The following SLC14A2 variants were observed in gnomAD, a reference collection of about 807,000 sequenced individuals.
SLC14A2 encodes the protein solute carrier family 14 member 2.
In SLC14A2, 91 loss-of-function variants were observed where a neutral mutation model predicts 104.6. That is an observed-to-expected ratio of 0.87 (90% CI 0.73 to 1.04). The LOEUF (loss-of-function observed/expected upper bound fraction) is 1.04, where lower values mean the gene tolerates loss of function less well. Among genes scored for constraint, SLC14A2 ranks in the 50% least tolerant of loss-of-function variants. The probability of loss-of-function intolerance (pLI) is 0.00; values close to 1 mark genes in which losing one functional copy is unlikely to be tolerated. For synonymous variants in SLC14A2, 476 were observed against 466.4 expected (o/e 1.02, Z -0.27); for missense variants, 1,189 against 1,156.0 (o/e 1.03, Z -0.41).
chr18:45,251,673 G>T (rs74685355), intron 1 of SLC14A2, among the ~76,000 whole-genome samples: 11,809 of 152,186 alleles, frequency 0.078, 515 homozygotes, highest in African/African-American at 0.093. Context: ...CCCTCTGTAA[G>T]GTATGTATCT....
At chr18:45,482,791 T>TG (rs79686320) in intron 1 of SLC14A2, among the ~76,000 whole-genome samples, 11,416 of 152,112 alleles carry the variant, frequency 0.075, 552 homozygotes, top group East Asian at 0.21. Context: ...TCAAATGGAG[T>TG]GATCACACAG....
intron 1 of SLC14A2, among the ~76,000 whole-genome samples, chr18:45,448,708 G>A (rs549752102): frequency 1.3e-5 from 2 of 152,230 alleles, no homozygotes; most frequent in African/African-American, 4.8e-5. Context: ...ACTCTTCTCT[G>A]GGTGCATATC....
At chr18:45,627,227 C>T in intron 4 of SLC14A2, 80 bp downstream of exon 4, 1 of 1,314,664 alleles carries the variant, frequency 7.6e-7, no homozygotes, top group Non-Finnish European at 1.1e-6. Flanking sequence ...AATCAGTCAA[C>T]CTTACCCTCC....
At chr18:45,600,561 C>T (rs150609713) in intron 2 of SLC14A2, among the ~76,000 whole-genome samples, 5 of 152,164 alleles carry the variant, frequency 3.3e-5, no homozygotes, top group Non-Finnish European at 7.3e-5. Flanking sequence ...TAAGATGCTG[C>T]AAGGTACATG....
intron 1 of SLC14A2, among the ~76,000 whole-genome samples, chr18:45,405,155 G>A (rs1015788749): frequency 3.9e-5 from 6 of 152,166 alleles, no homozygotes; most frequent in Admixed American, 6.5e-5. Flanking sequence ...GGAAGTTGCA[G>A]AACACTCCCC....
At chr18:45,436,613 G>A (rs1395922151) in intron 1 of SLC14A2, 1 of 152,100 alleles carries the variant, frequency 6.6e-6, no homozygotes, top group East Asian at 1.9e-4. Context: ...AAAGTATGTT[G>A]ATTCAAACCT....
chr18:45,410,157 A>C (rs1047909091), intron 1 of SLC14A2, among the ~76,000 whole-genome samples: 3 of 152,120 alleles, frequency 2.0e-5, no homozygotes, highest in African/African-American at 7.2e-5. Context: ...CAGGAGGCGG[A>C]GCTCAGGTGG....
intron 1 of SLC14A2, among the ~76,000 whole-genome samples, chr18:45,300,167 CTG>C (rs1473085280): frequency 1.3e-5 from 2 of 152,172 alleles, no homozygotes; most frequent in Non-Finnish European, 2.9e-5. Flanking sequence ...TGGCCTCACT[CTG>C]TTCTTCATCA....
intron 11 of SLC14A2, 97 bp downstream of exon 11, chr18:45,664,004 G>T (rs2045973667): frequency 7.6e-7 from 1 of 1,313,366 alleles, no homozygotes; most frequent in Non-Finnish European, 1.0e-6. Flanking sequence ...GTGGTGGGGA[G>T]ACCCGCTGGA....
intron 2 of SLC14A2, among the ~76,000 whole-genome samples, chr18:45,549,436 G>A (rs2044022739): frequency 6.6e-6 from 1 of 152,216 alleles, no homozygotes; most frequent in Non-Finnish European, 1.5e-5. Flanking sequence ...CCTCAGTGCA[G>A]CCCCAGCTCT....
rs553743094 is a variant in SLC14A2 at position 45,543,698 on chromosome 18, G to T, written c.-35+60376G>T. The stretch of plus-strand genomic sequence containing the variant: ...TCAAACTCACCTCTCCCCCATGAAG[G>T]CATTGGTACAGAAAAAAAGGAAACA... On this transcript the variant is annotated intron_variant, in intron 2 of 20. Transcript: ENST00000586448. Among the ~76,000 whole-genome samples, 6 of 152,222 alleles carry T rather than the reference G, an allele frequency of 3.9e-5. No homozygotes were observed. In the East Asian group the frequency reaches 9.7e-4, roughly 24 times the overall value.
chr18:45,671,557 A>G (rs970596092), intron 16 of SLC14A2, among the ~76,000 whole-genome samples: 4 of 152,034 alleles, frequency 2.6e-5, no homozygotes, highest in African/African-American at 9.6e-5. Flanking sequence ...AAAACTGCCC[A>G]TGCTGCTGCT....
chr18:45,606,748 C>CA (rs1568296030), intron 2 of SLC14A2, among the ~76,000 whole-genome samples: 2 of 87,822 alleles, frequency 2.3e-5, no homozygotes, highest in African/African-American at 1.0e-4. Context: ...AAAAAAAAAA[C>CA]AAAACAAAAA....
rs368412519 is a variant in SLC14A2 at position 45,471,957 on chromosome 18, C to A, written c.-124-11276C>A. Among the ~76,000 whole-genome samples the A allele has an allele frequency of 2.0e-5, 3 of 152,088 alleles. No individual in the cohort carries two copies. In the East Asian group the frequency reaches 5.8e-4, roughly 29 times the overall value. Reference sequence around the variant, plus strand: ...GTTTGTTACATAGGTATACACGTGCCATGGTGGTTTGCTGCACCCATCAAC... The same window carrying A: ...GTTTGTTACATAGGTATACACGTGCAATGGTGGTTTGCTGCACCCATCAAC... On this transcript the variant is annotated intron_variant, in intron 1 of 20. Coordinates refer to the SLC14A2 transcript ENST00000586448.
upstream of SLC14A2, among the ~76,000 whole-genome samples, chr18:45,209,435 A>T (rs2083943862): frequency 1.3e-5 from 2 of 152,180 alleles, no homozygotes; most frequent in Admixed American, 1.3e-4. Flanking sequence ...AATTTACAGC[A>T]GGATTTATGA....
At chr18:45,198,239 T>C in the SLC14A2 span, among the ~76,000 whole-genome samples, 1 of 152,174 alleles carries the variant, frequency 6.6e-6, no homozygotes, top group African/African-American at 2.4e-5. Flanking sequence ...TACCTGGGCT[T>C]CTTTCACCCC....
chr18:45,650,643 C>G (rs781717536), intron 10 of SLC14A2, among the ~76,000 whole-genome samples: 1 of 152,206 alleles, frequency 6.6e-6, no homozygotes, highest in Admixed American at 6.5e-5. Flanking sequence ...ATTTACCTGG[C>G]CAGGTGAATA....
At chr18:45,216,981 A>G (rs931113635) in intron 1 of SLC14A2, among the ~76,000 whole-genome samples, 48 of 152,274 alleles carry the variant, frequency 3.2e-4, no homozygotes, top group African/African-American at 1.1e-3. Flanking sequence ...ATAGTCTAAC[A>G]TTGAGTTGCC....
At chr18:45,200,637 A>T in the SLC14A2 span, among the ~76,000 whole-genome samples, 2 of 152,214 alleles carry the variant, frequency 1.3e-5, no homozygotes, top group Non-Finnish European at 2.9e-5. Flanking sequence ...TACTTTGGGT[A>T]AACTCACAGA....
Sources: gnomAD v4.1 joint callset for allele counts (sites outside exome capture counted in the v4.1 genomes callset) on GRCh38, gnomAD v4.1.1 for gene constraint, MANE v1.5 for transcripts, NCBI Gene and HGNC (gene_info 2026-07-23, HGNC 2026-07-21) for gene names.